PFDN1: variants seen among roughly 807,000 people sequenced by gnomAD.
The protein encoded by PFDN1 is prefoldin 1.
In PFDN1, 6 loss-of-function variants were observed where a neutral mutation model predicts 17.3. The ratio of observed to expected loss-of-function variants is 0.35; its 90% CI spans 0.19 to 0.69. PFDN1 has a LOEUF of 0.69. Among genes scored for constraint, PFDN1 ranks in the 30% least tolerant of loss-of-function variants. The pLI is 0.65. For missense variants in PFDN1, 113 were observed against 146.2 expected (o/e 0.77, Z 1.17); for synonymous variants, 58 against 50.1 (o/e 1.16, Z -0.67).
chr5:140,279,942 C>CCTCG (rs1465638896), intron 3 of PFDN1, among the ~76,000 whole-genome samples: 2 of 139,962 alleles, frequency 1.4e-5, no homozygotes, highest in East Asian at 4.1e-4. Context: ...TAGCAGTGAG[C>CCTCG]CGAGATCACA....
chr5:140,286,822 C>T (rs1029109713), intron 2 of PFDN1, among the ~76,000 whole-genome samples: 2 of 152,026 alleles, frequency 1.3e-5, no homozygotes, highest in African/African-American at 4.8e-5. Context: ...CCAGGCTAGT[C>T]TCGAACTCCT....
intron 2 of PFDN1, among the ~76,000 whole-genome samples, chr5:140,299,559 T>C (rs902684753): frequency 2.0e-5 from 3 of 148,282 alleles, no homozygotes; most frequent in African/African-American, 7.5e-5. Context: ...ATCACACCAC[T>C]GCACTCTAGC....
chr5:140,298,249 T>C (rs2126702662), intron 2 of PFDN1, among the ~76,000 whole-genome samples: 1 of 152,218 alleles, frequency 6.6e-6, no homozygotes, highest in Non-Finnish European at 1.5e-5. Context: ...TATGGATTAG[T>C]CAGTGATGAG....
rs1261549785 is a variant in PFDN1 at position 140,245,648 on chromosome 5, CT to C, written c.*325del. 2.9e-6 allele frequency: 2 copies of C among 681,356 alleles called. No individual in the cohort carries two copies. Among genetic ancestry groups the C allele is most frequent in the East Asian group, 5.4e-5 (2 of 37,096 alleles). 42.2% of individuals were successfully genotyped at this position (681,356 alleles called of 1,614,324 possible). A position where few individuals can be genotyped will look rare whatever the true frequency, so the allele number is the denominator to read the frequency against. On this transcript the variant is annotated 3_prime_UTR_variant, in exon 4 of 4. Transcript: ENST00000261813. ...CAGGCTTAGCAGAGTGGGACAGACG[CT>C]TTTTATTGGTCTGGCTGGCGTGCCT...
chr5:140,297,444 C>A (rs982021485), intron 2 of PFDN1, among the ~76,000 whole-genome samples: 6 of 152,164 alleles, frequency 3.9e-5, no homozygotes, highest in Non-Finnish European at 1.5e-5. Context: ...TCTCAGGGCA[C>A]TAATACGCTA....
At chr5:140,295,871 T>TA (rs1765645993) in intron 2 of PFDN1, among the ~76,000 whole-genome samples, 1 of 152,142 alleles carries the variant, frequency 6.6e-6, no homozygotes, top group Non-Finnish European at 1.5e-5. Context: ...AAATCTGACT[T>TA]ACATTCTGTG....
At chr5:140,253,251 T>C (rs1764940779) in intron 3 of PFDN1, among the ~76,000 whole-genome samples, 1 of 152,076 alleles carries the variant, frequency 6.6e-6, no homozygotes, top group South Asian at 2.1e-4. Flanking sequence ...GCTGACCTGT[T>C]TTCCTCCCAG....
chr5:140,300,532 C>T lies in PFDN1; in HGVS notation c.84G>A (p.Lys28=). The change falls in exon 2 of 4, where the codon AAG becomes AAA. Residue 28 remains lysine, a synonymous_variant. Coordinates refer to ENST00000261813, the MANE Select transcript of PFDN1 (RefSeq NM_002622.5). Reference sequence around the variant, plus strand: ...GCTGTTCAATCTGTATGTCTGCGAGCTTCACCTTCTGTTGAGTGTCAATAA... The same window carrying T: ...GCTGTTCAATCTGTATGTCTGCGAGTTTCACCTTCTGTTGAGTGTCAATAA... ...AKVIDTQQKV[K]LADIQIEQLN... is the part of the protein sequence containing the mutation. The T allele has an allele frequency of 6.2e-7, 1 of 1,613,158 alleles. No homozygotes were observed. Among genetic ancestry groups the T allele is most frequent in the Middle Eastern group, 1.7e-4 (1 of 6,060 alleles).
intron 3 of PFDN1, 184 bp downstream of exon 3, chr5:140,281,265 T>G: frequency 4.4e-6 from 2 of 457,872 alleles, no homozygotes; most frequent in Non-Finnish European, 7.7e-6. Flanking sequence ...TTCTTTTTTT[T>G]TTGTTTTGGT....
At chr5:140,281,275 T>A (rs1006207342) in intron 3 of PFDN1, 174 bp downstream of exon 3, 10 of 478,686 alleles carry the variant, frequency 2.1e-5, no homozygotes, top group Non-Finnish European at 3.0e-5. Context: ...TTTGTTTTGG[T>A]CTTATATGCG....
intron 3 of PFDN1, among the ~76,000 whole-genome samples, chr5:140,268,035 A>G (rs567143908): frequency 2.8e-4 from 43 of 152,356 alleles, no homozygotes; most frequent in Non-Finnish European, 5.1e-4. Flanking sequence ...TCCTCACAAG[A>G]TGACTATGTA....
chr5:140,298,512 C>G (rs1455982828), intron 2 of PFDN1, among the ~76,000 whole-genome samples: 1 of 151,948 alleles, frequency 6.6e-6, no homozygotes, highest in East Asian at 1.9e-4. Context: ...TTTTAGCTCA[C>G]TGTAATGGAA....
chr5:140,256,361 C>CA (rs1764985363), intron 3 of PFDN1, among the ~76,000 whole-genome samples: 1 of 152,032 alleles, frequency 6.6e-6, no homozygotes, highest in Admixed American at 6.6e-5. Context: ...GCGTGGGTGA[C>CA]AGAGCAAGCC....
chr5:140,256,658 CAAAAAAA>C (rs757723797), intron 3 of PFDN1, among the ~76,000 whole-genome samples: 24 of 39,894 alleles, frequency 6.0e-4, no homozygotes, highest in South Asian at 2.0e-3. Flanking sequence ...CAAAAAATGA[CAAAAAAA>C]AAAAAAAAAA....
At chr5:140,283,485 G>A (rs898203226) in intron 2 of PFDN1, among the ~76,000 whole-genome samples, 4 of 152,130 alleles carry the variant, frequency 2.6e-5, no homozygotes, top group African/African-American at 9.6e-5. Context: ...TGCCCGCCTC[G>A]GCCTCCCAAA....
At chr5:140,272,136 C>T (rs1765215171) in intron 3 of PFDN1, among the ~76,000 whole-genome samples, 1 of 151,230 alleles carries the variant, frequency 6.6e-6, no homozygotes, top group African/African-American at 2.4e-5. Flanking sequence ...TCTCCTGCCC[C>T]AGCCTCCCGA....
chr5:140,300,889 G>T (rs1013619657), intron 1 of PFDN1, among the ~76,000 whole-genome samples: 1 of 152,190 alleles, frequency 6.6e-6, no homozygotes, highest in African/African-American at 2.4e-5. Context: ...GAAATCCAGA[G>T]ATTCAAAACA....
intron 2 of PFDN1, among the ~76,000 whole-genome samples, chr5:140,284,241 C>T (rs1449781488): frequency 6.6e-6 from 1 of 152,220 alleles, no homozygotes; most frequent in East Asian, 1.9e-4. Flanking sequence ...CAACTTACTA[C>T]TACAAACCTA....
chr5:140,272,329 T>C (rs1401199843), intron 3 of PFDN1, among the ~76,000 whole-genome samples: 3 of 149,802 alleles, frequency 2.0e-5, no homozygotes, highest in African/African-American at 7.4e-5. Flanking sequence ...CTAAATTATA[T>C]TATTTTAGAG....
Sources: allele counts gnomAD v4.1 joint callset (sites outside exome capture counted in the v4.1 genomes callset), GRCh38; gene constraint gnomAD v4.1.1; transcripts MANE v1.5; gene names NCBI Gene and HGNC (gene_info 2026-07-23, HGNC 2026-07-21).